The following HDAC9 variants were observed in gnomAD, a reference collection of about 807,000 sequenced individuals.
HDAC9 encodes histone deacetylase 9, also known as MEF-2 interacting transcription repressor (MITR) protein.
A neutral mutation model predicts 139.4 loss-of-function variants in HDAC9; 41 were observed. The observed-to-expected ratio is 0.29, with a 90% CI of 0.23 to 0.38. The LOEUF (loss-of-function observed/expected upper bound fraction) is 0.38, where lower values mean the gene tolerates loss of function less well. HDAC9 is among the 10% of genes least tolerant of loss of function. HDAC9 has a pLI of 1.00. For synonymous variants in HDAC9, 517 were observed against 476.2 expected (o/e 1.09, Z -1.12); for missense variants, 1,147 against 1,297.0 (o/e 0.88, Z 1.78).
At chr7:18,579,351 C>A (rs1827046689) in intron 2 of HDAC9, among the ~76,000 whole-genome samples, 1 of 152,122 alleles carries the variant, frequency 6.6e-6, no homozygotes, top group Non-Finnish European at 1.5e-5. Context: ...GACAGCTATT[C>A]CACAATATTT....
intron 1 of HDAC9, among the ~76,000 whole-genome samples, chr7:18,115,708 G>A (rs1783933671): frequency 6.6e-6 from 1 of 152,230 alleles, no homozygotes; most frequent in Non-Finnish European, 1.5e-5. Context: ...CCTGCCAGCT[G>A]TGGACCTGTG....
intron 1 of HDAC9, among the ~76,000 whole-genome samples, chr7:18,136,705 A>T (rs1029836421): frequency 2.6e-5 from 4 of 151,564 alleles, no homozygotes; most frequent in African/African-American, 9.7e-5. Context: ...TGGTTACTGT[A>T]GCCTTGTAGT....
intron 1 of HDAC9, among the ~76,000 whole-genome samples, chr7:18,471,394 T>G (rs150835906): frequency 9.8e-4 from 150 of 152,304 alleles, no homozygotes; most frequent in African/African-American, 3.5e-3. Context: ...TATCCAATAT[T>G]CCACCTGTTT....
intron 2 of HDAC9, among the ~76,000 whole-genome samples, chr7:18,269,248 T>C (rs1386916997): frequency 1.3e-5 from 2 of 152,104 alleles, no homozygotes; most frequent in Non-Finnish European, 2.9e-5. Context: ...AACTCTAAAC[T>C]TTGAAAAATT....
chr7:18,330,619 A>G (rs1007811931), intron 1 of HDAC9, among the ~76,000 whole-genome samples: 2 of 151,440 alleles, frequency 1.3e-5, no homozygotes, highest in Non-Finnish European at 3.0e-5. Flanking sequence ...ACAACCAAAA[A>G]CTATTTCCCC....
At chr7:18,439,118 A>G (rs182214609) in intron 1 of HDAC9, among the ~76,000 whole-genome samples, 52 of 152,252 alleles carry the variant, frequency 3.4e-4, no homozygotes, top group African/African-American at 1.2e-3. Flanking sequence ...TTTATTTATC[A>G]GATCTGGTGG....
intron 12 of HDAC9, among the ~76,000 whole-genome samples, chr7:18,701,403 AAAACAAAACAAAC>A (rs1482593814): frequency 1.6e-5 from 2 of 125,730 alleles, no homozygotes; most frequent in Admixed American, 7.7e-5. Flanking sequence ...GATTTAAAAA[AAAACAAAACAAAC>A]AAAAAAAAAA....
intron 1 of HDAC9, among the ~76,000 whole-genome samples, chr7:18,428,698 A>G (rs58072397): frequency 0.029 from 4,343 of 152,292 alleles, 68 homozygotes; most frequent in African/African-American, 0.045. Flanking sequence ...GTGAGCTTTT[A>G]GAAGTCATAC....
intron 2 of HDAC9, among the ~76,000 whole-genome samples, chr7:18,561,629 T>G (rs553012869): frequency 7.0e-6 from 1 of 143,786 alleles, no homozygotes; most frequent in Admixed American, 7.1e-5. Context: ...AATTAATCAC[T>G]AATCTATTTT....
intron 22 of HDAC9, among the ~76,000 whole-genome samples, chr7:18,895,421 G>A (rs1002087353): frequency 2.0e-5 from 3 of 152,208 alleles, no homozygotes; most frequent in South Asian, 4.1e-4. Flanking sequence ...AGTAAAGAGA[G>A]TAAATTGAAA....
At chr7:18,167,847 C>T (rs1232146440) in intron 2 of HDAC9, among the ~76,000 whole-genome samples, 1 of 152,194 alleles carries the variant, frequency 6.6e-6, no homozygotes, top group Non-Finnish European at 1.5e-5. Context: ...TGGCCTCTCT[C>T]TACCACATTT....
At chr7:18,352,994 A>T (rs1190691027) in intron 1 of HDAC9, among the ~76,000 whole-genome samples, 2 of 152,182 alleles carry the variant, frequency 1.3e-5, no homozygotes, top group South Asian at 2.1e-4. Context: ...CTTTACTTTT[A>T]TGAACAAATA....
intron 21 of HDAC9, among the ~76,000 whole-genome samples, chr7:18,853,362 T>A (rs958791095): frequency 6.6e-6 from 1 of 151,788 alleles, no homozygotes; most frequent in Non-Finnish European, 1.5e-5. Context: ...GAAAAAAAAA[T>A]GAGTTTGGGG....
chr7:18,708,401 G>A (rs372780503), intron 12 of HDAC9, among the ~76,000 whole-genome samples: 3 of 152,286 alleles, frequency 2.0e-5, no homozygotes, highest in African/African-American at 2.4e-5. Flanking sequence ...GTGTCCACAT[G>A]GCTTTCTCTA....
intron 12 of HDAC9, among the ~76,000 whole-genome samples, chr7:18,682,312 A>G (rs927535959): frequency 4.6e-5 from 7 of 152,048 alleles, no homozygotes; most frequent in African/African-American, 1.7e-4. Context: ...AATTGTACTT[A>G]AAACTTCAAT....
At chr7:18,590,527 T>C (rs1180800341) in intron 4 of HDAC9, 41 bp downstream of exon 4, 2 of 1,550,582 alleles carry the variant, frequency 1.3e-6, no homozygotes, top group Admixed American at 3.9e-5. Flanking sequence ...TCTTTCCTCA[T>C]CGTTAGCTGA....
intron 2 of HDAC9, among the ~76,000 whole-genome samples, chr7:18,205,009 G>T (rs1401889531): frequency 6.6e-6 from 1 of 151,830 alleles, no homozygotes; most frequent in Non-Finnish European, 1.5e-5. Flanking sequence ...ATATGTGTGT[G>T]TGTGTGTTTA....
At chr7:18,786,578 C>G (rs567768860) in intron 16 of HDAC9, among the ~76,000 whole-genome samples, 1 of 117,624 alleles carries the variant, frequency 8.5e-6, no homozygotes, top group Non-Finnish European at 1.7e-5. Flanking sequence ...TTGGGTATGG[C>G]TGGCTGGCTT....
intron 2 of HDAC9, among the ~76,000 whole-genome samples, chr7:18,198,389 A>G (rs886296507): frequency 7.2e-5 from 11 of 152,120 alleles, no homozygotes; most frequent in Non-Finnish European, 1.0e-4. Flanking sequence ...ATTTTATTCT[A>G]TTACAAATCT....
Sources: allele counts gnomAD v4.1 joint callset (sites outside exome capture counted in the v4.1 genomes callset), GRCh38; gene constraint gnomAD v4.1.1; transcripts MANE v1.5; gene names NCBI Gene and HGNC (gene_info 2026-07-23, HGNC 2026-07-21).